AGPAT3: variants seen among roughly 807,000 people sequenced by gnomAD.
AGPAT3 encodes the protein 1-acylglycerol-3-phosphate O-acyltransferase 3, also known as 1-acyl-sn-glycerol-3-phosphate acyltransferase gamma.
Under a neutral mutation model 47.3 loss-of-function variants are expected in AGPAT3, and 5 were observed. The observed-to-expected ratio is 0.11, with a 90% confidence interval of 0.06 to 0.22. The LOEUF is 0.22. Ranked by LOEUF, AGPAT3 falls within the 10% of genes least tolerant of loss-of-function variation. The pLI, the probability that AGPAT3 is intolerant of heterozygous loss-of-function variation, is 1.00. For synonymous variants in AGPAT3, 212 were observed against 208.3 expected, an observed-to-expected ratio of 1.02 and a Z score of -0.15; for missense variants, 315 against 493.0, an observed-to-expected ratio of 0.64 and a Z score of 3.42.
chr21:43,922,482 C>T lies in AGPAT3; in HGVS notation c.-49+18463C>T, dbSNP rs2086921449. On this transcript the variant is annotated intron_variant, in intron 2 of 9. Coordinates refer to ENST00000291572, the MANE Select transcript of AGPAT3 (RefSeq NM_020132.5). This position sits in a 1 kb window ranked among gnomAD's most constrained non-coding sequence, Gnocchi z 4.9. Reference sequence around the variant, plus strand: ...GAGTGGAGGAGAGTCTCCCTGGGACCCTCCTTAACCCCACCCTCAAGGCAG... The same window carrying T: ...GAGTGGAGGAGAGTCTCCCTGGGACTCTCCTTAACCCCACCCTCAAGGCAG... 1.3e-5 allele frequency among the ~76,000 whole-genome samples: 2 copies of T among 152,130 alleles called. No individual in the cohort carries two copies. Among genetic ancestry groups the T allele is most frequent in the South Asian group, 4.1e-4 (2 of 4,824 alleles).
At position 43,952,291 on chromosome 21, in the gene AGPAT3, G is replaced by A. The variant is rs1368358913; in HGVS notation, c.-48-7343G>A. 2.6e-5 allele frequency among the ~76,000 whole-genome samples: 4 copies of A among 152,076 alleles called. No homozygotes were observed. Among genetic ancestry groups the A allele is most frequent in the South Asian group, 2.1e-4 (1 of 4,816 alleles). ...GGTCTCCCTTTTTCATAAGGACACC[G>A]GTCAGATGGAATCAGCGCCCACCCT... is the stretch of plus-strand genomic sequence containing the variant. On this transcript the variant is annotated intron_variant, in intron 2 of 9. Coordinates refer to ENST00000291572, the MANE Select transcript of AGPAT3 (RefSeq NM_020132.5). This position sits in a 1 kb window ranked among gnomAD's most constrained non-coding sequence, Gnocchi z 5.6.
chr21:43,967,715 G>A, intron 3 of AGPAT3: 1 of 525,438 alleles, frequency 1.9e-6, no homozygotes, highest in Non-Finnish European at 3.4e-6. Flanking sequence ...TCCATGCAGA[G>A]TGGCGGTTCT....
intron 2 of AGPAT3, among the ~76,000 whole-genome samples, chr21:43,938,899 G>A (rs1191853769): frequency 6.6e-6 from 1 of 152,158 alleles, no homozygotes; most frequent in South Asian, 2.1e-4. Flanking sequence ...GGGGAAGGAG[G>A]GGCTCCCCCA....
At position 43,969,384 on chromosome 21, in the gene AGPAT3, T is replaced by C. The variant is rs1028772887; in HGVS notation, c.510+105T>C. 3 of 1,418,404 alleles carry C rather than the reference T, an allele frequency of 2.1e-6. No individual in the cohort carries two copies. The African/African-American group carries it at 4.2e-5, about 20-fold the overall frequency. 87.9% of individuals were successfully genotyped at this position (1,418,404 alleles called of 1,614,324 possible). On this transcript the variant is annotated intron_variant, in intron 5 of 9. Transcript: ENST00000291572. The stretch of plus-strand genomic sequence containing the variant: ...CAGGCTGGGAAACCCCATGAGAGCC[T>C]CTGCACATGGGGTGCTGTTTCCATG...
In AGPAT3 at chr21:43,879,536, C is replaced by T. The variant is rs558967511; in HGVS notation, c.-112+14191C>T. On this transcript the variant is annotated intron_variant, in intron 1 of 9. Coordinates refer to ENST00000291572, the MANE Select transcript of AGPAT3 (RefSeq NM_020132.5). ...TTCTCGGTGGGAAGTGCTGGGTGGC[C>T]GTGGGCTTGGAGGCTGGGTCGTGGG... Among the ~76,000 whole-genome samples the T allele has an allele frequency of 1.6e-3, 244 of 148,424 alleles. 1 individual carries two copies. Among genetic ancestry groups the T allele is most frequent in the Non-Finnish European group, 3.1e-3 (207 of 66,776 alleles).
rs2030280834 is a variant in AGPAT3 at position 43,986,194 on chromosome 21, GT to G, written c.*3806del. ...GGAGTGGGGTGGACACATGAATTCA[GT>G]TTTATCATGAACACTCGCCACTGGC... On this transcript the variant is annotated 3_prime_UTR_variant, in exon 10 of 10. Transcript: ENST00000291572. 6.6e-6 allele frequency: 1 copy of G among 152,236 alleles called. No individual in the cohort carries two copies. The highest frequency in any genetic ancestry group is 1.5e-5 in the Non-Finnish European group (1 of 68,036). The allele number at this position is 152,236 out of a possible 1,614,324, so 9.4% of individuals were successfully genotyped here. A position where few individuals can be genotyped will look rare whatever the true frequency, so the allele number is the denominator to read the frequency against.
intron 2 of AGPAT3, among the ~76,000 whole-genome samples, chr21:43,957,943 C>T (rs567906686): frequency 3.6e-4 from 55 of 152,302 alleles, no homozygotes; most frequent in Middle Eastern, 6.8e-3. Context: ...AAGGGGGAGC[C>T]GGTGGAGCCC....
At chr21:43,893,716 G>A (rs1418097770) in intron 1 of AGPAT3, among the ~76,000 whole-genome samples, 1 of 152,202 alleles carries the variant, frequency 6.6e-6, no homozygotes, top group South Asian at 2.1e-4. Flanking sequence ...GGAATAGGGA[G>A]GCTGGAACAG....
At position 43,972,137 on chromosome 21, in the gene AGPAT3, A is replaced by T. The variant is rs1601463758; in HGVS notation, c.767+647A>T. 1.4e-5 allele frequency among the ~76,000 whole-genome samples: 2 copies of T among 141,412 alleles called. 1 individual carries two copies. Among genetic ancestry groups the T allele is most frequent in the Admixed American group, 1.5e-4 (2 of 13,756 alleles). The allele number at this position is 141,412 out of a possible 152,430, so 92.8% of individuals were successfully genotyped here. A position where few individuals can be genotyped will look rare whatever the true frequency, so the allele number is the denominator to read the frequency against. ...GAGACAGTGGTGAAGGGAAAGGAAG[A>T]GCCTGTTTGATTTTTTTTTTTCTTG... On this transcript the variant is annotated intron_variant, in intron 7 of 9. Coordinates refer to ENST00000291572, the MANE Select transcript of AGPAT3 (RefSeq NM_020132.5).
At chr21:43,874,886 C>A (rs1315637503) in intron 1 of AGPAT3, among the ~76,000 whole-genome samples, 2 of 152,168 alleles carry the variant, frequency 1.3e-5, no homozygotes, top group Non-Finnish European at 2.9e-5. Context: ...GGTTCCAGAA[C>A]CCACCATGGA....
chr21:43,872,398 C>T (rs897669802), intron 1 of AGPAT3, among the ~76,000 whole-genome samples: 1 of 152,178 alleles, frequency 6.6e-6, no homozygotes, highest in African/African-American at 2.4e-5. Context: ...CCAGGCTGGT[C>T]TCGAACTCCT....
chr21:43,971,540 C>T, intron 7 of AGPAT3, 50 bp downstream of exon 7: 3 of 1,576,846 alleles, frequency 1.9e-6, no homozygotes, highest in Non-Finnish European at 2.6e-6. Context: ...CCTTCATGAG[C>T]TTGCGCTGGG....
At chr21:43,906,855 C>T (rs2086510399) in intron 2 of AGPAT3, among the ~76,000 whole-genome samples, 2 of 152,192 alleles carry the variant, frequency 1.3e-5, no homozygotes, top group South Asian at 2.1e-4. Flanking sequence ...CGAGCCGACA[C>T]ACACATGCTG....
intron 2 of AGPAT3, among the ~76,000 whole-genome samples, chr21:43,913,984 A>G (rs2838433): frequency 0.3 from 45,473 of 152,190 alleles, 7,879 homozygotes; most frequent in Non-Finnish European, 0.39. Flanking sequence ...CAGCTTTTGT[A>G]AGGAAAACCC....
chr21:43,867,786 T>C (rs1424491290), intron 1 of AGPAT3: 1 of 152,234 alleles, frequency 6.6e-6, no homozygotes, highest in African/African-American at 2.4e-5. Context: ...AGCTGCTCCA[T>C]CTCATTGCAA....
intron 2 of AGPAT3, among the ~76,000 whole-genome samples, chr21:43,927,222 T>C (rs557485780): frequency 1.3e-5 from 2 of 152,316 alleles, no homozygotes; most frequent in South Asian, 4.1e-4. Context: ...TATTACTCTC[T>C]TTTATAAAAT....
intron 2 of AGPAT3, among the ~76,000 whole-genome samples, chr21:43,913,607 C>T (rs1230519552): frequency 6.6e-6 from 1 of 152,144 alleles, no homozygotes; most frequent in Non-Finnish European, 1.5e-5. Flanking sequence ...TTGAGGACCC[C>T]AAAGAGATTT....
intron 2 of AGPAT3, among the ~76,000 whole-genome samples, chr21:43,917,883 GGGGGTTGTA>G (rs1255881983): frequency 7.8e-6 from 1 of 128,798 alleles, no homozygotes; most frequent in African/African-American, 3.1e-5. Flanking sequence ...TGGGGGTTGT[GGGGGTTGTA>G]GGGGTTGCGG....
chr21:43,882,102 C>A lies in AGPAT3; in HGVS notation c.-112+16757C>A, dbSNP rs549976993. Among the ~76,000 whole-genome samples the A allele has an allele frequency of 1.2e-4, 18 of 152,386 alleles. No homozygotes were observed. The South Asian group carries it at 3.1e-3, about 26-fold the overall frequency. ...GGTCTAAGCCACTGCAGGGGCAGAC[C>A]CTTGTCCCTTGGGTGAGTCCCTCAT... On this transcript the variant is annotated intron_variant, in intron 1 of 9. Coordinates refer to ENST00000291572, the MANE Select transcript of AGPAT3 (RefSeq NM_020132.5).
Sources: gnomAD v4.1 joint callset for allele counts (sites outside exome capture counted in the v4.1 genomes callset) on GRCh38, gnomAD v4.1.1 for gene constraint, Gnocchi (gnomAD v3.1) non-coding constraint, MANE v1.5 for transcripts, NCBI Gene and HGNC (gene_info 2026-07-23, HGNC 2026-07-21) for gene names.